Variants in C1QL2 observed in about 807,000 individuals in gnomAD.
The protein encoded by C1QL2 is complement C1q-like protein 2.
A neutral mutation model predicts 16.6 loss-of-function variants in C1QL2; 13 were observed. The ratio of observed to expected loss-of-function variants is 0.78; its 90% CI spans 0.51 to 1.25. C1QL2 has a LOEUF of 1.25. C1QL2 is among the 50% of genes most tolerant of loss of function. C1QL2 has a pLI of 0.00. For synonymous variants in C1QL2, 210 were observed against 183.2 expected, an observed-to-expected ratio of 1.15 and a Z score of -1.18; for missense variants, 396 against 409.6, an observed-to-expected ratio of 0.97 and a Z score of 0.29.
chr2:119,157,469 TTC>T, intron 1 of C1QL2, 115 bp downstream of exon 1: 1 of 1,279,594 alleles, frequency 7.8e-7, no homozygotes, highest in Non-Finnish European at 1.1e-6. Context: ...CCGAGGCGCG[TTC>T]ATTCCCGGGG....
rs1183520004 is a variant in C1QL2, at chr2:119,156,966, T to A, written c.700A>T (p.Ile234Phe). ...TAGTTCTGGTCGGCGTCCTGTGCAA[T>A]GGCGCTGGCCCGGACCTGGGGACAA... ...CKNGQVRASA[I>F]AQDADQNYDY... is the part of the protein sequence containing the mutation. The change falls in exon 2 of 2, where the codon ATT becomes TTT. Residue 234 changes from isoleucine (I) to phenylalanine (F), a missense_variant. Physicochemically the swap from Ile to Phe is conservative, Grantham distance 21 (BLOSUM62 0). Transcript: ENST00000272520. 6.2e-7 allele frequency: 1 copy of A among 1,613,918 alleles called. No homozygotes were observed. Among genetic ancestry groups the A allele is most frequent in the Admixed American group, 1.7e-5 (1 of 60,030 alleles).
In C1QL2 at chr2:119,157,949, C is replaced by T. The variant is rs1677991148; in HGVS notation, c.321G>A (p.Glu107=). ...GPPGPRGPPG[E]KGDSGRPGLP... ...GCCCGGGCCGCCCCGAGTCGCCCTT[C>T]TCTCCCGGAGGGCCCCTGGGTCCAG... Residue 107 remains glutamate, a synonymous_variant, in exon 1 of 2, where the codon GAG becomes GAA. Transcript: ENST00000272520. 1 of 1,537,628 alleles carries T rather than the reference C, an allele frequency of 6.5e-7. No individual in the cohort carries two copies. Among genetic ancestry groups the T allele is most frequent in the Non-Finnish European group, 8.8e-7 (1 of 1,140,322 alleles).
At chr2:119,157,014 G>C in intron 1 of C1QL2, 33 bp from the exon 2 acceptor site, 2 of 1,607,922 alleles carry the variant, frequency 1.2e-6, no homozygotes, top group Non-Finnish European at 1.7e-6. Context: ...GGTGAGCCGG[G>C]GCACCTCTTC....
At chr2:119,157,045 C>T (rs781664256) in intron 1 of C1QL2, 64 bp from the exon 2 acceptor site, 8 of 1,570,066 alleles carry the variant, frequency 5.1e-6, no homozygotes, top group Non-Finnish European at 6.9e-6. Context: ...GCTCAGCCCA[C>T]ACCAGGCGCG....
At position 119,156,868 on chromosome 2, in the gene C1QL2, C is replaced by G; in HGVS notation, c.798G>C (p.Gly266=). 6.2e-7 allele frequency: 1 copy of G among 1,614,080 alleles called. No individual in the cohort carries two copies. Among genetic ancestry groups the G allele is most frequent in the Non-Finnish European group, 8.5e-7 (1 of 1,179,942 alleles). ...GDEVYVKLDG[G]KAHGGNNNKY... ...TGTTATTATTGCCTCCGTGAGCCTT[C>G]CCGCCATCCAGCTTCACATACACTT... The change falls in exon 2 of 2, where the codon GGG becomes GGC. Residue 266 remains glycine (G), a synonymous_variant. Coordinates refer to ENST00000272520, the MANE Select transcript of C1QL2 (RefSeq NM_182528.4).
At position 119,156,507 on chromosome 2, in the gene C1QL2, C is replaced by T. The variant is rs1459559056; in HGVS notation, c.*295G>A. ...GAGGCTGTCTGAGGAGGGCAGGCTC[C>T]CGGCCCTGCCTGTCCAGTCTAATCA... On this transcript the variant is annotated 3_prime_UTR_variant, in exon 2 of 2. Transcript: ENST00000272520. 2 of 261,644 alleles carry T rather than the reference C, an allele frequency of 7.6e-6. No homozygotes were observed. Among genetic ancestry groups the T allele is most frequent in the Non-Finnish European group, 1.4e-5 (2 of 138,048 alleles). 16.2% of individuals were successfully genotyped at this position (261,644 alleles called of 1,614,324 possible).
Position 119,157,586 on chromosome 2 carries a change from C to A in C1QL2, c.684G>T (p.Gln228His). ...SMWADLCKNGQVRASAIAQDA... is the reference protein window; with the variant it reads ...SMWADLCKNGHVRASAIAQDA... Reference sequence around the variant, plus strand: ...GCCGGTGAGTGTAGGGGTCACTGACCTGCCCGTTCTTGCAGAGGTCCGCCC... The same window carrying A: ...GCCGGTGAGTGTAGGGGTCACTGACATGCCCGTTCTTGCAGAGGTCCGCCC... The change falls in exon 1 of 2, where the codon CAG (glutamine) becomes CAT (histidine). Residue 228 changes from glutamine (Q) to histidine (H), a missense_variant and splice_region_variant. Gln to His is a conservative substitution (Grantham distance 24). This residue lies in a region of C1QL2 where 353 missense variants were observed against 334.8 expected (regional missense o/e 1.05). Transcript: ENST00000272520. 1 of 1,613,900 alleles carries A rather than the reference C, an allele frequency of 6.2e-7. No individual in the cohort carries two copies. The highest frequency in any genetic ancestry group is 8.5e-7 in the Non-Finnish European group (1 of 1,179,992).
chr2:119,156,552 G>T lies in C1QL2; in HGVS notation c.*250C>A. 3 of 455,410 alleles carry T rather than the reference G, an allele frequency of 6.6e-6. No homozygotes were observed. The highest frequency in any genetic ancestry group is 7.8e-6 in the Non-Finnish European group (2 of 257,640). The allele number at this position is 455,410 out of a possible 1,614,324, so 28.2% of individuals were successfully genotyped here. A position where few individuals can be genotyped will look rare whatever the true frequency, so the allele number is the denominator to read the frequency against. ...TAATCAGGTTTGCAAAGTCTGTGCCGCCGCCTCAAGGGCTCGGGCGTCCCT... is the reference window on the plus strand; with the variant it reads ...TAATCAGGTTTGCAAAGTCTGTGCCTCCGCCTCAAGGGCTCGGGCGTCCCT... On this transcript the variant is annotated 3_prime_UTR_variant, in exon 2 of 2. Transcript: ENST00000272520.
chr2:119,158,371 T>G lies in C1QL2; in HGVS notation c.-102A>C. ...TCCTCCTTGCCGCCCGGGGAGGTAA[T>G]GGTGGGGCGGCGCGGGCGGCCCCGC... On this transcript the variant is annotated 5_prime_UTR_variant, in exon 1 of 2. Transcript: ENST00000272520. 9.4e-7 allele frequency: 1 copy of G among 1,058,660 alleles called. No individual in the cohort carries two copies. The highest frequency in any genetic ancestry group is 1.2e-6 in the Non-Finnish European group (1 of 827,224). 65.6% of individuals were successfully genotyped at this position (1,058,660 alleles called of 1,614,324 possible). A position where few individuals can be genotyped will look rare whatever the true frequency, so the allele number is the denominator to read the frequency against.
chr2:119,157,940 G>T lies in C1QL2; in HGVS notation c.330C>A (p.Asp110Glu). The T allele has an allele frequency of 6.5e-7, 1 of 1,540,000 alleles. No homozygotes were observed. The highest frequency in any genetic ancestry group is 8.8e-7 in the Non-Finnish European group (1 of 1,141,236). ...GPRGPPGEKG[D>E]SGRPGLPGLQ... is the part of the protein sequence containing the mutation. Reference sequence around the variant, plus strand: ...GCCCTGGCAGCCCGGGCCGCCCCGAGTCGCCCTTCTCTCCCGGAGGGCCCC... The same window carrying T: ...GCCCTGGCAGCCCGGGCCGCCCCGATTCGCCCTTCTCTCCCGGAGGGCCCC... Residue 110 changes from aspartate (D) to glutamate (E), a missense_variant, in exon 1 of 2, where the codon GAC becomes GAA. By Grantham distance (45) the Asp-to-Glu change is conservative. Coordinates refer to ENST00000272520, the MANE Select transcript of C1QL2 (RefSeq NM_182528.4).
In C1QL2 at chr2:119,156,761, C is replaced by A. The variant is rs201749518; in HGVS notation, c.*41G>T. On this transcript the variant is annotated 3_prime_UTR_variant, in exon 2 of 2. Coordinates refer to ENST00000272520, the MANE Select transcript of C1QL2 (RefSeq NM_182528.4). ...CAAGGAGCCGCGCCCGGGCGGAGAC[C>A]GGGCGGCCTGCAGCCACCCCGCCTC... 6.3e-7 allele frequency: 1 copy of A among 1,591,954 alleles called. No individual in the cohort carries two copies. The highest frequency in any genetic ancestry group is 1.4e-5 in the African/African-American group (1 of 73,980).
chr2:119,158,285 G>T lies in C1QL2; in HGVS notation c.-16C>A. The T allele has an allele frequency of 2.8e-6, 4 of 1,406,754 alleles. No individual in the cohort carries two copies. Among genetic ancestry groups the T allele is most frequent in the Non-Finnish European group, 3.7e-6 (4 of 1,089,134 alleles). 87.1% of individuals were successfully genotyped at this position (1,406,754 alleles called of 1,614,324 possible). On this transcript the variant is annotated 5_prime_UTR_variant, in exon 1 of 2. Coordinates refer to ENST00000272520, the MANE Select transcript of C1QL2 (RefSeq NM_182528.4). Reference sequence around the variant, plus strand: ...CGAGCGCCATGGCCAAGAGTACGCCGACGGCCGCCAGGCAGGCACGCCGCC... The same window carrying T: ...CGAGCGCCATGGCCAAGAGTACGCCTACGGCCGCCAGGCAGGCACGCCGCC...
Position 119,157,864 on chromosome 2 carries a change from C to G in C1QL2, c.406G>C (p.Ala136Pro). ...CCCTCGGAATCGCCACCTACCCCGG[C>G]CCCGCCGCCCACCACCCCGACGCCG... ...ASGVGVVGGG[A>P]GVGGDSEGEV... The change falls in exon 1 of 2, where the codon GCC becomes CCC. Residue 136 changes from alanine to proline, a missense_variant. Around this residue, in one of 2 missense-constraint regions of C1QL2, gnomAD observed 353 missense variants for 334.8 expected, o/e 1.05. Coordinates refer to ENST00000272520, the MANE Select transcript of C1QL2 (RefSeq NM_182528.4). 6.3e-7 allele frequency: 1 copy of G among 1,583,648 alleles called. No individual in the cohort carries two copies. The highest frequency in any genetic ancestry group is 1.1e-5 in the South Asian group (1 of 87,194).
Position 119,158,589 on chromosome 2 carries a change from C to A in C1QL2, c.-320G>T. ...GGGGCACACAAGACGAATCCGGCGC[C>A]CCGAGGGTCCGGCGCCGGCCAGGGA... is the stretch of plus-strand genomic sequence containing the variant. On this transcript the variant is annotated 5_prime_UTR_variant, in exon 1 of 2. Coordinates refer to ENST00000272520, the MANE Select transcript of C1QL2 (RefSeq NM_182528.4). 1 of 179,930 alleles carries A rather than the reference C, an allele frequency of 5.6e-6. No homozygotes were observed. The highest frequency in any genetic ancestry group is 1.2e-5 in the Non-Finnish European group (1 of 85,838). 11.1% of individuals were successfully genotyped at this position (179,930 alleles called of 1,614,324 possible). A position where few individuals can be genotyped will look rare whatever the true frequency, so the allele number is the denominator to read the frequency against.
In C1QL2 at chr2:119,157,746, A is replaced by T; in HGVS notation, c.524T>A (p.Leu175Gln). Residue 175 changes from leucine to glutamine, a missense_variant, in exon 1 of 2, where the codon CTG (leucine) becomes CAG (glutamine). By Grantham distance (113) the Leu-to-Gln change is moderately radical (BLOSUM62 -2). This residue lies in a region of C1QL2 where 353 missense variants were observed against 334.8 expected (regional missense o/e 1.05). Transcript: ENST00000272520. ...GTTGGTGACCACGTCATCGAACTTC[A>T]GCACCTCATAGCCTTCGTGGGGGCT... ...LKSPHEGYEV[L>Q]KFDDVVTNLG... 6.2e-7 allele frequency: 1 copy of T among 1,613,916 alleles called. No homozygotes were observed. Among genetic ancestry groups the T allele is most frequent in the Non-Finnish European group, 8.5e-7 (1 of 1,179,910 alleles).
chr2:119,157,431 C>T (rs373933728), intron 1 of C1QL2, among the ~76,000 whole-genome samples, 155 bp downstream of exon 1: 52 of 152,210 alleles, frequency 3.4e-4, no homozygotes, highest in African/African-American at 1.2e-3. Context: ...GCGGCCTCGG[C>T]GCATCGGGAA....
chr2:119,157,932 C>G lies in C1QL2; in HGVS notation c.338G>C (p.Arg113Pro). The G allele has an allele frequency of 1.3e-6, 2 of 1,542,306 alleles. No individual in the cohort carries two copies. Among genetic ancestry groups the G allele is most frequent in the Non-Finnish European group, 1.8e-6 (2 of 1,142,696 alleles). Reference sequence around the variant, plus strand: ...CAGTTGCAGCCCTGGCAGCCCGGGCCGCCCCGAGTCGCCCTTCTCTCCCGG... The same window carrying G: ...CAGTTGCAGCCCTGGCAGCCCGGGCGGCCCCGAGTCGCCCTTCTCTCCCGG... Reference protein sequence around the residue: ...GPPGEKGDSGRPGLPGLQLTA... With the variant: ...GPPGEKGDSGPPGLPGLQLTA... Residue 113 changes from arginine (R) to proline (P), a missense_variant, in exon 1 of 2, where the codon CGG (arginine) becomes CCG (proline). By Grantham distance (103) the Arg-to-Pro change is moderately radical (BLOSUM62 -2). Around this residue, in one of 2 missense-constraint regions of C1QL2, gnomAD observed 353 missense variants for 334.8 expected, o/e 1.05. Coordinates refer to ENST00000272520, the MANE Select transcript of C1QL2 (RefSeq NM_182528.4).
Position 119,158,150 on chromosome 2 carries a change from G to C in C1QL2, c.120C>G (p.Pro40=), listed in dbSNP as rs544057672. The change falls in exon 1 of 2, where the codon CCC becomes CCG. Residue 40 remains proline, a synonymous_variant. Transcript: ENST00000272520. ...RMICDPYTAA[P]GGEPPGAKAQ... is the part of the protein sequence containing the mutation. ...CCTTTGCACCCGGGGGCTCCCCGCC[G>C]GGCGCGGCAGTGTAAGGGTCGCAGA... 1 of 1,567,056 alleles carries C rather than the reference G, an allele frequency of 6.4e-7. No individual in the cohort carries two copies. Among genetic ancestry groups the C allele is most frequent in the Non-Finnish European group, 8.6e-7 (1 of 1,159,486 alleles).
chr2:119,157,620 G>C lies in C1QL2; in HGVS notation c.650C>G (p.Thr217Ser). 6.2e-7 allele frequency: 1 copy of C among 1,614,198 alleles called. No homozygotes were observed. Among genetic ancestry groups the C allele is most frequent in the Non-Finnish European group, 8.5e-7 (1 of 1,180,036 alleles). The change falls in exon 1 of 2, where the codon ACC becomes AGC. Residue 217 changes from threonine to serine, a missense_variant. Around this residue, in one of 2 missense-constraint regions of C1QL2, gnomAD observed 353 missense variants for 334.8 expected, o/e 1.05. Coordinates refer to ENST00000272520, the MANE Select transcript of C1QL2 (RefSeq NM_182528.4). ...YHILMRGGDG[T>S]SMWADLCKNG... ...CTTGCAGAGGTCCGCCCACATGCTG[G>C]TGCCGTCGCCGCCGCGCATGAGGAT...
Sources: gnomAD v4.1 joint callset for allele counts (sites outside exome capture counted in the v4.1 genomes callset) on GRCh38, gnomAD v4.1.1 for gene constraint, gnomAD v4.1.1 regional missense constraint, MANE v1.5 for transcripts, NCBI Gene and HGNC (gene_info 2026-07-23, HGNC 2026-07-21) for gene names.